The following EXOC4 variants were observed in gnomAD, a reference collection of about 807,000 sequenced individuals.
EXOC4 encodes the protein SEC8-like 1.
In EXOC4, 71 loss-of-function variants were observed where a neutral mutation model predicts 107.2. The observed-to-expected ratio is 0.66, with a 90% CI of 0.55 to 0.81. EXOC4 has a LOEUF of 0.81. EXOC4 is among the 30% of genes least tolerant of loss of function. The probability of loss-of-function intolerance (pLI) is 0.00; values close to 1 mark genes in which losing one functional copy is unlikely to be tolerated. For synonymous variants in EXOC4, 456 were observed against 441.2 expected (o/e 1.03, Z -0.42); for missense variants, 1,108 against 1,189.6 (o/e 0.93, Z 1.01).
At chr7:134,021,906 G>T (rs78252842) in intron 17 of EXOC4, among the ~76,000 whole-genome samples, 61 of 126,194 alleles carry the variant, frequency 4.8e-4, no homozygotes, top group Non-Finnish European at 9.8e-4. Flanking sequence ...TTAAACATTT[G>T]GGGTATTGGG....
chr7:133,963,052 A>G (rs975654428), intron 14 of EXOC4, among the ~76,000 whole-genome samples: 1 of 152,258 alleles, frequency 6.6e-6, no homozygotes, highest in South Asian at 2.1e-4. Context: ...GGGTGGCAGC[A>G]TGATAAAAAC....
chr7:133,604,706 C>CCTTCTTTTTTTTTTTTTTT (rs1191856891), intron 9 of EXOC4, among the ~76,000 whole-genome samples: 2 of 87,536 alleles, frequency 2.3e-5, no homozygotes, highest in African/African-American at 8.8e-5. Flanking sequence ...TTCCTTCCTT[C>CCTTCTTTTTTTTTTTTTTT]TTTCTTTTTT....
chr7:133,335,080 T>TA, intron 5 of EXOC4, among the ~76,000 whole-genome samples: 1 of 152,340 alleles, frequency 6.6e-6, no homozygotes. Flanking sequence ...GTGGAATAAA[T>TA]AACATGCACG....
intron 3 of EXOC4, among the ~76,000 whole-genome samples, chr7:133,291,711 T>C (rs1470336997): frequency 1.3e-5 from 2 of 152,050 alleles, no homozygotes; most frequent in Non-Finnish European, 2.9e-5. Context: ...GCAAGAAAAT[T>C]TTTTTTCCAT....
chr7:133,679,937 G>A (rs1794151948), intron 10 of EXOC4, among the ~76,000 whole-genome samples: 1 of 152,214 alleles, frequency 6.6e-6, no homozygotes, highest in African/African-American at 2.4e-5. Context: ...ATATTAAATA[G>A]TGGGGGCTTT....
At chr7:133,902,641 T>A (rs550489950) in intron 12 of EXOC4, among the ~76,000 whole-genome samples, 11 of 152,054 alleles carry the variant, frequency 7.2e-5, no homozygotes, top group African/African-American at 2.7e-4. Context: ...GATCACCAGG[T>A]CAACAGATTG....
chr7:133,310,928 A>G (rs1371038128), intron 4 of EXOC4, among the ~76,000 whole-genome samples: 1 of 152,210 alleles, frequency 6.6e-6, no homozygotes, highest in African/African-American at 2.4e-5. Context: ...AACACCCAAC[A>G]AATTTCTACT....
intron 17 of EXOC4, among the ~76,000 whole-genome samples, chr7:134,050,056 A>T (rs1364809621): frequency 1.3e-5 from 2 of 152,234 alleles, no homozygotes; most frequent in Non-Finnish European, 2.9e-5. Context: ...AGTAAGGTGC[A>T]GAACAGTATG....
At chr7:133,799,344 G>T (rs967883256) in intron 10 of EXOC4, among the ~76,000 whole-genome samples, 5 of 152,144 alleles carry the variant, frequency 3.3e-5, no homozygotes, top group Admixed American at 6.5e-5. Context: ...TCTGACTGAG[G>T]GGCCTGGATT....
intron 9 of EXOC4, among the ~76,000 whole-genome samples, chr7:133,621,757 C>A (rs1419926721): frequency 2.0e-5 from 3 of 152,136 alleles, no homozygotes. Context: ...TTATGGCCAC[C>A]TTTTTAAGGC....
At chr7:133,257,366 G>GCACA (rs35107499) in intron 1 of EXOC4, among the ~76,000 whole-genome samples, 1,641 of 149,880 alleles carry the variant, frequency 0.011, 38 homozygotes, top group African/African-American at 0.038. Context: ...TTACACACAC[G>GCACA]CACACACACA....
At chr7:133,331,461 CTTTTTTTTTT>C (rs58568173) in intron 5 of EXOC4, among the ~76,000 whole-genome samples, 2 of 85,598 alleles carry the variant, frequency 2.3e-5, no homozygotes, top group African/African-American at 4.5e-5. Flanking sequence ...TTTCTTTTTT[CTTTTTTTTTT>C]TTTTTTTTTT....
intron 7 of EXOC4, among the ~76,000 whole-genome samples, chr7:133,452,961 G>A (rs553167426): frequency 1.3e-5 from 2 of 151,722 alleles, no homozygotes; most frequent in Non-Finnish European, 2.9e-5. Flanking sequence ...TTTCCCTTAT[G>A]TAAAGTCTCC....
At chr7:134,007,642 G>GT in intron 16 of EXOC4, 34 bp from the exon 17 acceptor site, 1 of 1,528,858 alleles carries the variant, frequency 6.5e-7, no homozygotes, top group Non-Finnish European at 8.8e-7. Context: ...TCTGTCATCC[G>GT]TTTTCTTTGC....
chr7:133,824,898 T>C (rs866667733), intron 11 of EXOC4, among the ~76,000 whole-genome samples: 3 of 152,306 alleles, frequency 2.0e-5, no homozygotes, highest in Middle Eastern at 3.4e-3. Flanking sequence ...TTACCTTAAT[T>C]ACATCTAAAA....
chr7:134,067,630 T>TACACAC (rs1491203303), downstream of EXOC4, among the ~76,000 whole-genome samples: 210 of 20,258 alleles, frequency 0.01, no homozygotes, highest in Middle Eastern at 0.043. Context: ...AACTCTTATA[T>TACACAC]ATATATATAC....
At chr7:133,973,925 A>T (rs1171688465) in intron 14 of EXOC4, among the ~76,000 whole-genome samples, 1 of 152,184 alleles carries the variant, frequency 6.6e-6, no homozygotes, top group Non-Finnish European at 1.5e-5. Flanking sequence ...CCCTGGTGGA[A>T]GGGGGAAGGC....
intron 14 of EXOC4, among the ~76,000 whole-genome samples, chr7:133,986,266 A>G (rs555142095): frequency 7.2e-5 from 11 of 152,358 alleles, no homozygotes; most frequent in Admixed American, 7.2e-4. Context: ...CAGAAGAACT[A>G]TTGCTTCTGA....
chr7:133,930,114 A>G (rs1380637649), intron 13 of EXOC4, among the ~76,000 whole-genome samples: 1 of 152,222 alleles, frequency 6.6e-6, no homozygotes, highest in African/African-American at 2.4e-5. Context: ...TCAACTTATA[A>G]TAAGTGATTA....
Sources: allele counts gnomAD v4.1 joint callset (sites outside exome capture counted in the v4.1 genomes callset), GRCh38; gene constraint gnomAD v4.1.1; transcripts MANE v1.5; gene names NCBI Gene and HGNC (gene_info 2026-07-23, HGNC 2026-07-21).